FDFT1: variants seen among roughly 807,000 people sequenced by gnomAD.
FDFT1 encodes farnesyl-diphosphate farnesyltransferase 1.
FDFT1 carries 68 observed loss-of-function variants against 46.8 expected under a neutral mutation model. That is an observed-to-expected ratio of 1.45 (90% confidence interval 1.19 to 1.78). The LOEUF (loss-of-function observed/expected upper bound fraction) is 1.78. Among genes scored for constraint, FDFT1 ranks in the 40% most tolerant of loss-of-function variants. The pLI is 0.00. For synonymous variants in FDFT1, 351 were observed against 185.1 expected (o/e 1.90, Z -7.28); for missense variants, 928 against 524.4 (o/e 1.77, Z -7.52).
intron 3 of FDFT1, among the ~76,000 whole-genome samples, chr8:11,821,249 T>G (rs987420657): frequency 6.6e-6 from 1 of 152,232 alleles, no homozygotes; most frequent in African/African-American, 2.4e-5. Context: ...CTAGAAACAT[T>G]AGCATTTTTA....
chr8:11,803,104 G>A (rs769593409), intron 1 of FDFT1, 173 bp downstream of exon 1: 160 of 1,435,418 alleles, frequency 1.1e-4, no homozygotes, highest in Non-Finnish European at 1.3e-4. Context: ...CCGGGTGGAC[G>A]CGGCCGTCCT....
At chr8:11,823,489 G>C (rs1809537784) in intron 4 of FDFT1, among the ~76,000 whole-genome samples, 1 of 151,632 alleles carries the variant, frequency 6.6e-6, no homozygotes, top group Non-Finnish European at 1.5e-5. Context: ...TGTTACTTTT[G>C]TCCCAGAACA....
At chr8:11,836,365 A>G in intron 7 of FDFT1, among the ~76,000 whole-genome samples, 1 of 152,192 alleles carries the variant, frequency 6.6e-6, no homozygotes, top group Non-Finnish European at 1.5e-5. Flanking sequence ...GTAGGGCTGG[A>G]CCTTGCCTTC....
At chr8:11,829,061 G>T (rs28575472) in intron 5 of FDFT1, among the ~76,000 whole-genome samples, 2,213 of 152,280 alleles carry the variant, frequency 0.015, 42 homozygotes, top group African/African-American at 0.05. Flanking sequence ...CTCGAACCTT[G>T]TGAGGAGCTG....
chr8:11,802,689 G>A (rs1306880627), upstream of FDFT1: 4 of 661,334 alleles, frequency 6.0e-6, no homozygotes, highest in Non-Finnish European at 1.0e-5. Context: ...TGGGCGGAGC[G>A]GCGGGCGGGG....
chr8:11,820,727 G>C (rs1809116763), intron 3 of FDFT1, among the ~76,000 whole-genome samples: 1 of 152,200 alleles, frequency 6.6e-6, no homozygotes, highest in African/African-American at 2.4e-5. Context: ...ACTGGGAAAA[G>C]CACAGTATTT....
intron 3 of FDFT1, among the ~76,000 whole-genome samples, chr8:11,814,626 T>C (rs1236837597): frequency 6.6e-6 from 1 of 152,224 alleles, no homozygotes; most frequent in African/African-American, 2.4e-5. Flanking sequence ...AAACAAGATA[T>C]TTGGGCAGTA....
At chr8:11,799,974 C>G (rs1181905242), upstream of FDFT1, among the ~76,000 whole-genome samples, 2 of 147,472 alleles carry the variant, frequency 1.4e-5, no homozygotes, top group African/African-American at 5.0e-5. Context: ...GAAGAAATAG[C>G]ACTCGAAGGC....
chr8:11,801,667 A>T, upstream of FDFT1: 1 of 287,680 alleles, frequency 3.5e-6, no homozygotes, highest in Non-Finnish European at 6.7e-6. Context: ...GTTAAAACAG[A>T]CTGCAGGATG....
chr8:11,828,689 A>AATTT (rs1357202174), intron 5 of FDFT1, among the ~76,000 whole-genome samples: 1 of 152,256 alleles, frequency 6.6e-6, no homozygotes, highest in Non-Finnish European at 1.5e-5. Flanking sequence ...GGTGGTGTGA[A>AATTT]TAAAATGAGA....
At chr8:11,813,332 T>C (rs1807995297) in intron 3 of FDFT1, among the ~76,000 whole-genome samples, 1 of 152,232 alleles carries the variant, frequency 6.6e-6, no homozygotes, top group Non-Finnish European at 1.5e-5. Context: ...ATAATAGCAA[T>C]AATAGTGTTC....
chr8:11,819,990 C>T lies in FDFT1; in HGVS notation c.382-1760C>T, dbSNP rs543334335. On this transcript the variant is annotated intron_variant, in intron 3 of 7. Coordinates refer to ENST00000220584, the MANE Select transcript of FDFT1 (RefSeq NM_004462.5). ...CTCCCCATCTTTGTGGTTTTATCTA[C>T]CTTTGGTCTTTGATTTTGGTGACGT... Among the ~76,000 whole-genome samples, 5 of 152,184 alleles carry T rather than the reference C, an allele frequency of 3.3e-5. No individual in the cohort carries two copies. In the South Asian group the frequency reaches 8.3e-4, roughly 25 times the overall value.
At chr8:11,815,641 A>G (rs1306251092) in intron 3 of FDFT1, among the ~76,000 whole-genome samples, 3 of 152,158 alleles carry the variant, frequency 2.0e-5, no homozygotes, top group Admixed American at 6.5e-5. Context: ...GCATTTCTTC[A>G]TATGTCTGTT....
At chr8:11,836,527 A>G (rs1332559909) in intron 7 of FDFT1, among the ~76,000 whole-genome samples, 1 of 152,210 alleles carries the variant, frequency 6.6e-6, no homozygotes. Context: ...GTCCCTCAAG[A>G]TCAAGCCAAC....
intron 3 of FDFT1, among the ~76,000 whole-genome samples, chr8:11,811,102 A>T (rs947662501): frequency 4.6e-5 from 7 of 152,250 alleles, no homozygotes; most frequent in African/African-American, 1.7e-4. Context: ...TATACAGTAC[A>T]ATTCAAGAGA....
chr8:11,808,541 C>A, intron 1 of FDFT1: 2 of 1,340,884 alleles, frequency 1.5e-6, no homozygotes, highest in South Asian at 3.9e-5. Flanking sequence ...CCTGCGGCAC[C>A]AAGGCCATGG....
intron 3 of FDFT1, among the ~76,000 whole-genome samples, chr8:11,820,554 C>T (rs751998323): frequency 1.1e-4 from 17 of 152,184 alleles, no homozygotes; most frequent in African/African-American, 3.6e-4. Context: ...CATAGAAGTG[C>T]GTACTGAAGC....
intron 7 of FDFT1, among the ~76,000 whole-genome samples, chr8:11,834,386 C>T (rs1227270555): frequency 2.0e-4 from 31 of 152,194 alleles, no homozygotes; most frequent in Admixed American, 2.0e-3. Context: ...GGCCAGAAAC[C>T]CCCATTCCCC....
chr8:11,803,078 C>A, intron 1 of FDFT1, 147 bp downstream of exon 1: 1 of 1,446,676 alleles, frequency 6.9e-7, no homozygotes, highest in Non-Finnish European at 9.1e-7. Flanking sequence ...TTCCTCGAGC[C>A]TTCCCCCTGT....
Sources: gnomAD v4.1 joint callset for allele counts (sites outside exome capture counted in the v4.1 genomes callset) on GRCh38, gnomAD v4.1.1 for gene constraint, MANE v1.5 for transcripts, NCBI Gene and HGNC (gene_info 2026-07-23, HGNC 2026-07-21) for gene names.